PARP8: variants seen among roughly 807,000 people sequenced by gnomAD.
PARP8 encodes the protein protein mono-ADP-ribosyltransferase PARP8.
In PARP8, 51 loss-of-function variants were observed where a neutral mutation model predicts 124.1. The ratio of observed to expected loss-of-function variants is 0.41; its 90% CI spans 0.33 to 0.52. The LOEUF is 0.52. Among genes scored for constraint, PARP8 ranks in the 20% least tolerant of loss-of-function variants. The probability of loss-of-function intolerance (pLI) is 0.21; values close to 1 mark genes in which losing one functional copy is unlikely to be tolerated. For missense variants in PARP8, 860 were observed against 1,018.9 expected, an observed-to-expected ratio of 0.84 and a Z score of 2.12; for synonymous variants, 391 against 361.5, an observed-to-expected ratio of 1.08 and a Z score of -0.93.
intron 1 of PARP8, chr5:50,667,803 G>C (rs1210444944): frequency 1.0e-6 from 1 of 996,082 alleles, no homozygotes; most frequent in Non-Finnish European, 1.5e-6. Context: ...GAGCCCGGCT[G>C]AGGCTGCTTC....
rs964561494 is a variant in PARP8 at position 50,842,262 on chromosome 5, G to A, written c.*194G>A. The A allele has an allele frequency of 4.9e-6, 2 of 407,194 alleles. No homozygotes were observed. The highest frequency in any genetic ancestry group is 8.7e-6 in the Non-Finnish European group (2 of 229,222). 25.2% of individuals were successfully genotyped at this position (407,194 alleles called of 1,614,324 possible). ...TGGTATAAGATTTATCAATTGTAGG[G>A]TTATGGAATCTAGTAATAAAATTTC... On this transcript the variant is annotated 3_prime_UTR_variant, in exon 26 of 26. Transcript: ENST00000281631.
chr5:50,794,756 T>A, intron 11 of PARP8, 97 bp from the exon 12 acceptor site: 1 of 1,097,682 alleles, frequency 9.1e-7, no homozygotes, highest in South Asian at 1.6e-5. Flanking sequence ...GGTGGTAGAA[T>A]ATTTATTAGC....
intron 22 of PARP8, among the ~76,000 whole-genome samples, chr5:50,831,054 C>T (rs191802403): frequency 1.5e-4 from 23 of 151,988 alleles, no homozygotes; most frequent in African/African-American, 3.4e-4. Flanking sequence ...AAACTTGGAA[C>T]GCTTAAAACC....
intron 14 of PARP8, among the ~76,000 whole-genome samples, chr5:50,810,703 CA>C: frequency 6.6e-6 from 1 of 152,044 alleles, no homozygotes; most frequent in South Asian, 2.1e-4. Context: ...TGTGAATAAA[CA>C]AGGAAAAGGG....
At chr5:50,767,214 G>A (rs993436538) in intron 7 of PARP8, among the ~76,000 whole-genome samples, 8 of 151,684 alleles carry the variant, frequency 5.3e-5, no homozygotes, top group South Asian at 2.1e-4. Context: ...ATCTTTTTTC[G>A]TTTTGAGCCA....
chr5:50,772,222 A>T (rs1242788409), intron 7 of PARP8, among the ~76,000 whole-genome samples: 2 of 152,146 alleles, frequency 1.3e-5, no homozygotes, highest in Admixed American at 6.5e-5. Context: ...TATTGTGTGT[A>T]TGTACCACAT....
chr5:50,777,855 T>G (rs1163611627), intron 7 of PARP8, among the ~76,000 whole-genome samples: 1 of 152,174 alleles, frequency 6.6e-6, no homozygotes, highest in Non-Finnish European at 1.5e-5. Context: ...CATGTGCGTG[T>G]ACAAGACAAT....
intron 15 of PARP8, among the ~76,000 whole-genome samples, chr5:50,819,522 C>A (rs1310834388): frequency 5.0e-5 from 7 of 141,190 alleles, no homozygotes; most frequent in African/African-American, 1.9e-4. Flanking sequence ...CTCACTGCAA[C>A]CTCCAGCTCC....
intron 2 of PARP8, among the ~76,000 whole-genome samples, chr5:50,677,834 G>A (rs1750811871): frequency 6.6e-6 from 1 of 151,788 alleles, no homozygotes; most frequent in African/African-American, 2.4e-5. Flanking sequence ...GCCAGCCTCT[G>A]GGTTGCATTT....
At chr5:50,833,091 G>T (rs1402740551) in intron 23 of PARP8, among the ~76,000 whole-genome samples, 3 of 152,160 alleles carry the variant, frequency 2.0e-5, no homozygotes, top group Admixed American at 1.3e-4. Flanking sequence ...GCAGTAGAGT[G>T]TAGTGATGGC....
chr5:50,684,862 T>C (rs1751684363), intron 2 of PARP8, among the ~76,000 whole-genome samples: 1 of 152,132 alleles, frequency 6.6e-6, no homozygotes, highest in Non-Finnish European at 1.5e-5. Context: ...GGTGTATTTG[T>C]AGGTGGTGTG....
Position 50,795,141 on chromosome 5 carries a change from A to G in PARP8, c.1152A>G (p.Leu384=), listed in dbSNP as rs369809692. 1.8e-5 allele frequency: 29 copies of G among 1,614,090 alleles called. No individual in the cohort carries two copies. Among genetic ancestry groups the G allele is most frequent in the South Asian group, 1.2e-4 (11 of 91,080 alleles). ...GCCTAACTCTAAAGTCGCATAGACT[A>G]TTGACTCGATCTTGTTCTGGAGATC... is the stretch of plus-strand genomic sequence containing the variant. ...EECLTLKSHR[L]LTRSCSGDPR... The change falls in exon 12 of 26, where the codon CTA becomes CTG. Residue 384 remains leucine, a synonymous_variant. Transcript: ENST00000281631.
At chr5:50,789,265 C>T (rs1741670827) in intron 10 of PARP8, among the ~76,000 whole-genome samples, 1 of 151,848 alleles carries the variant, frequency 6.6e-6, no homozygotes, top group African/African-American at 2.4e-5. Context: ...AAAAAGAAAA[C>T]ACTGATAGAG....
At chr5:50,771,551 A>G (rs1761631722) in intron 7 of PARP8, among the ~76,000 whole-genome samples, 2 of 152,254 alleles carry the variant, frequency 1.3e-5, no homozygotes, top group South Asian at 4.1e-4. Flanking sequence ...CATAGATATC[A>G]AAAAGCAAAC....
chr5:50,671,322 A>G (rs1413968414), intron 2 of PARP8, among the ~76,000 whole-genome samples: 2 of 152,154 alleles, frequency 1.3e-5, no homozygotes, highest in Admixed American at 6.5e-5. Flanking sequence ...GAGGGGATGG[A>G]TAGGAAAGCA....
chr5:50,692,249 T>G (rs1375884926), intron 2 of PARP8, among the ~76,000 whole-genome samples: 1 of 152,186 alleles, frequency 6.6e-6, no homozygotes, highest in Admixed American at 6.6e-5. Flanking sequence ...CTGGCATCTC[T>G]TGACCTTTCC....
rs1748236807 is a variant in PARP8 at position 50,842,011 on chromosome 5, A to C, written c.2508A>C (p.Glu836Asp). ...QVGDANINTQ[E>D]GGIHKEILRV... ...GAGATGCAAATATTAATACACAAGA[A>C]GGAGGCATTCACAAAGAGATCCTCC... The change falls in exon 26 of 26, where the codon GAA (glutamate) becomes GAC (aspartate). Residue 836 changes from glutamate (E) to aspartate (D), a missense_variant. By Grantham distance (45) the Glu-to-Asp change is conservative. Around this residue, in one of 2 missense-constraint regions of PARP8, gnomAD observed 343 missense variants for 474.7 expected, o/e 0.72. Coordinates refer to ENST00000281631, the MANE Select transcript of PARP8 (RefSeq NM_024615.4). 1 of 1,606,746 alleles carries C rather than the reference A, an allele frequency of 6.2e-7. No individual in the cohort carries two copies. Among genetic ancestry groups the C allele is most frequent in the East Asian group, 2.3e-5 (1 of 44,372 alleles).
intron 2 of PARP8, 79 bp downstream of exon 2, chr5:50,668,204 G>C (rs1344529542): frequency 5.2e-5 from 69 of 1,337,740 alleles, no homozygotes; most frequent in Non-Finnish European, 1.1e-6. Flanking sequence ...TCCGTGTTCG[G>C]GTATTTTGGT....
chr5:50,829,264 G>A lies in PARP8; in HGVS notation c.2164-628G>A, dbSNP rs182776953. 3.3e-4 allele frequency among the ~76,000 whole-genome samples: 50 copies of A among 152,150 alleles called. 1 individual carries two copies. The East Asian group carries it at 7.1e-3, about 22-fold the overall frequency. On this transcript the variant is annotated intron_variant, in intron 21 of 25. Transcript: ENST00000281631. ...AATTTTTTTTCATCTGACAGCATAAGGACATAAGGAAATGAGATGCTTAAC... is the reference window on the plus strand; with the variant it reads ...AATTTTTTTTCATCTGACAGCATAAAGACATAAGGAAATGAGATGCTTAAC...
Sources: gnomAD v4.1 joint callset for allele counts (sites outside exome capture counted in the v4.1 genomes callset) on GRCh38, gnomAD v4.1.1 for gene constraint, gnomAD v4.1.1 regional missense constraint, MANE v1.5 for transcripts, NCBI Gene and HGNC (gene_info 2026-07-23, HGNC 2026-07-21) for gene names.